Variants in TEX9 observed in about 807,000 individuals in gnomAD.
TEX9 encodes the protein testis-expressed protein 9.
Under a neutral mutation model 59.6 loss-of-function variants are expected in TEX9, and 74 were observed. The ratio of observed to expected loss-of-function variants is 1.24; its 90% CI spans 1.03 to 1.51. The LOEUF is 1.51. TEX9 is among the 40% of genes most tolerant of loss of function. The pLI is 0.00. For synonymous variants in TEX9, 186 were observed against 152.2 expected, an observed-to-expected ratio of 1.22 and a Z score of -1.64; for missense variants, 522 against 447.8, an observed-to-expected ratio of 1.17 and a Z score of -1.49.
chr15:56,432,252 C>G (rs1488167786), intron 12 of TEX9, among the ~76,000 whole-genome samples: 1 of 152,062 alleles, frequency 6.6e-6, no homozygotes, highest in Non-Finnish European at 1.5e-5. Flanking sequence ...AATGTTTATC[C>G]TAAAAAGAAA....
intron 3 of TEX9, chr15:56,374,429 G>T (rs190664314): frequency 6.6e-6 from 1 of 152,202 alleles, no homozygotes; most frequent in Admixed American, 6.5e-5. Context: ...TGGTTACATA[G>T]TAAGTGTTTA....
intron 10 of TEX9, among the ~76,000 whole-genome samples, chr15:56,413,921 A>C (rs1596214890): frequency 6.6e-6 from 1 of 151,888 alleles, no homozygotes; most frequent in South Asian, 2.1e-4. Flanking sequence ...ATAGTTTGTT[A>C]TATGGTCAGG....
intron 1 of TEX9, among the ~76,000 whole-genome samples, chr15:56,347,817 T>G (rs1421881813): frequency 6.6e-6 from 1 of 151,878 alleles, no homozygotes; most frequent in African/African-American, 2.4e-5. Context: ...GTTAAGAGGG[T>G]GAAAATACAA....
chr15:56,251,383 C>G (rs1453673193), intron 1 of TEX9, among the ~76,000 whole-genome samples: 1 of 152,148 alleles, frequency 6.6e-6, no homozygotes. Flanking sequence ...TCTTGTAACC[C>G]TGGCCCCCTA....
chr15:56,449,472 T>C (rs1331029139), downstream of TEX9, among the ~76,000 whole-genome samples: 4 of 152,216 alleles, frequency 2.6e-5, no homozygotes, highest in African/African-American at 7.2e-5. Flanking sequence ...GGATGATTTA[T>C]CTTTCTTATA....
downstream of TEX9, among the ~76,000 whole-genome samples, chr15:56,448,579 G>A (rs1464336520): frequency 1.3e-5 from 2 of 152,120 alleles, no homozygotes; most frequent in East Asian, 3.9e-4. Flanking sequence ...TTGTTTTTAT[G>A]TCTGTAGAGT....
At chr15:56,361,826 G>A (rs1157651547), upstream of TEX9, among the ~76,000 whole-genome samples, 3 of 152,162 alleles carry the variant, frequency 2.0e-5, no homozygotes, top group Admixed American at 6.5e-5. Flanking sequence ...TGCAAGCCAA[G>A]GAATGCCAAG....
intron 2 of TEX9, among the ~76,000 whole-genome samples, chr15:56,366,317 T>C (rs1162321618): frequency 6.6e-6 from 1 of 152,198 alleles, no homozygotes; most frequent in African/African-American, 2.4e-5. Flanking sequence ...TCGATGTGGC[T>C]CCTCCTGCCT....
intron 1 of TEX9, among the ~76,000 whole-genome samples, chr15:56,328,992 G>A (rs1208938404): frequency 4.6e-5 from 7 of 151,682 alleles, no homozygotes; most frequent in South Asian, 4.1e-4. Context: ...TGCTGTATTG[G>A]CTTCAGGTTT....
At chr15:56,419,989 GT>G (rs1178930931) in intron 10 of TEX9, among the ~76,000 whole-genome samples, 1 of 151,004 alleles carries the variant, frequency 6.6e-6, no homozygotes, top group Admixed American at 6.6e-5. Context: ...ATTTTATTGT[GT>G]TTTGGGTGCT....
intron 3 of TEX9, among the ~76,000 whole-genome samples, chr15:56,381,992 G>C (rs916597549): frequency 6.6e-6 from 1 of 152,216 alleles, no homozygotes; most frequent in Non-Finnish European, 1.5e-5. Context: ...CTGTCTGGTA[G>C]TCAGAGATTG....
At chr15:56,294,674 G>T (rs2045176229) in intron 1 of TEX9, among the ~76,000 whole-genome samples, 2 of 152,028 alleles carry the variant, frequency 1.3e-5, no homozygotes, top group South Asian at 4.1e-4. Context: ...TCATTCCTTG[G>T]CTTTTCCTGT....
intron 1 of TEX9, among the ~76,000 whole-genome samples, chr15:56,327,856 C>T (rs1009383403): frequency 1.3e-5 from 2 of 152,122 alleles, no homozygotes; most frequent in Admixed American, 6.5e-5. Flanking sequence ...CATGCCTCAC[C>T]ACTGAAGCCT....
At chr15:56,256,341 G>A (rs2044144419) in intron 1 of TEX9, among the ~76,000 whole-genome samples, 1 of 152,016 alleles carries the variant, frequency 6.6e-6, no homozygotes, top group South Asian at 2.1e-4. Context: ...ATGATTCAGA[G>A]CTAGTGTATT....
chr15:56,448,582 TG>T (rs2050924709), downstream of TEX9, among the ~76,000 whole-genome samples: 1 of 152,192 alleles, frequency 6.6e-6, no homozygotes, highest in Non-Finnish European at 1.5e-5. Context: ...TTTTTATGTC[TG>T]TAGAGTATTC....
chr15:56,376,224 TAATAA>T (rs1187628040), intron 3 of TEX9, among the ~76,000 whole-genome samples: 6 of 151,892 alleles, frequency 4.0e-5, no homozygotes, highest in Non-Finnish European at 8.8e-5. Context: ...AGTATAATAA[TAATAA>T]AATAAAAAAA....
intron 10 of TEX9, among the ~76,000 whole-genome samples, chr15:56,423,268 A>G (rs2050070478): frequency 6.6e-6 from 1 of 152,112 alleles, no homozygotes; most frequent in African/African-American, 2.4e-5. Flanking sequence ...GTTTTGGTGT[A>G]TTGTAGCTTT....
intron 9 of TEX9, among the ~76,000 whole-genome samples, chr15:56,401,080 G>A (rs2048743638): frequency 6.6e-6 from 1 of 151,956 alleles, no homozygotes. Context: ...CAATTAATGG[G>A]CAAAATAACC....
the TEX9 span, among the ~76,000 whole-genome samples, chr15:56,451,419 T>C: frequency 6.6e-6 from 1 of 152,180 alleles, no homozygotes; most frequent in Non-Finnish European, 1.5e-5. Flanking sequence ...ATTTGCTTGA[T>C]TGCAATAAAC....
Sources: allele counts gnomAD v4.1 joint callset (sites outside exome capture counted in the v4.1 genomes callset), GRCh38; gene constraint gnomAD v4.1.1; transcripts MANE v1.5; gene names NCBI Gene and HGNC (gene_info 2026-07-23, HGNC 2026-07-21).